POLR3D: variants seen among roughly 807,000 people sequenced by gnomAD.
The protein encoded by POLR3D is DNA-directed RNA polymerase III subunit RPC4.
A neutral mutation model predicts 44.5 loss-of-function variants in POLR3D; 42 were observed. The observed-to-expected ratio is 0.94, with a 90% CI of 0.74 to 1.22. POLR3D has a LOEUF of 1.22. Ranked by LOEUF, POLR3D falls within the 50% of genes most tolerant of loss-of-function variation. POLR3D has a pLI of 0.00. For synonymous variants in POLR3D, 217 were observed against 198.1 expected (o/e 1.10, Z -0.80); for missense variants, 507 against 505.2 (o/e 1.00, Z -0.03).
rs1830030373 is a variant in POLR3D at position 22,245,520 on chromosome 8, G to C, written c.71G>C (p.Arg24Pro). 1.6e-6 allele frequency: 2 copies of C among 1,279,004 alleles called. No individual in the cohort carries two copies. The highest frequency in any genetic ancestry group is 3.5e-5 in the Admixed American group (1 of 28,454). 79.2% of individuals were successfully genotyped at this position (1,279,004 alleles called of 1,614,324 possible). A position where few individuals can be genotyped will look rare whatever the true frequency, so the allele number is the denominator to read the frequency against. ...GGPRPLLTGA[R>P]GLIGRRPAPP... ...CCCCGACCTCTCCTGACTGGGGCCCGGGGGCTCATCGGGCGGCGGCCGGCG... is the reference window on the plus strand; with the variant it reads ...CCCCGACCTCTCCTGACTGGGGCCCCGGGGCTCATCGGGCGGCGGCCGGCG... The change falls in exon 2 of 9, where the codon CGG (arginine) becomes CCG (proline). Residue 24 changes from arginine to proline, a missense_variant. Coordinates refer to ENST00000306433, the MANE Select transcript of POLR3D (RefSeq NM_001722.3).
rs752305397 is a variant in POLR3D, at chr8:22,245,443, A to G, written c.-5-2A>G. ...GTGATCTCGTCGCCCCTTCTCTCCC[A>G]GGCAACATGTCGGAAGGAAACGCCG... On this transcript the variant is annotated splice_acceptor_variant, in intron 1 of 8. Transcript: ENST00000306433. LOFTEE classifies it low-confidence loss of function (5UTR_SPLICE). The G allele has an allele frequency of 7.6e-7, 1 of 1,309,626 alleles. No homozygotes were observed. The highest frequency in any genetic ancestry group is 9.8e-7 in the Non-Finnish European group (1 of 1,021,572). 81.1% of individuals were successfully genotyped at this position (1,309,626 alleles called of 1,614,324 possible).
rs375893399 is a variant in POLR3D, at chr8:22,248,433, C to T, written c.487-48C>T. The T allele has an allele frequency of 2.8e-5, 45 of 1,598,856 alleles. 1 individual carries two copies. Among genetic ancestry groups the T allele is most frequent in the Non-Finnish European group, 3.8e-5 (44 of 1,171,344 alleles). The stretch of plus-strand genomic sequence containing the variant: ...GAAAGGGACTAAAGCAGACTTTGAT[C>T]CAGGTGCATGTGCTAGCAGGCTGGA... On this transcript the variant is annotated intron_variant, in intron 5 of 8. Coordinates refer to ENST00000306433, the MANE Select transcript of POLR3D (RefSeq NM_001722.3).
Position 22,250,498 on chromosome 8 carries a change from T to C in POLR3D, c.1177T>C (p.Leu393=). Residue 393 remains leucine, a synonymous_variant, in exon 9 of 9, where the codon TTG becomes CTG. Transcript: ENST00000306433. ...LVCSPDFESL[L]DHKHR is the part of the protein sequence containing the mutation. ...ATGTTCCCCTGATTTTGAATCCCTC[T>C]TGGATCACAAACACCGGTAAAATGA... 6.2e-7 allele frequency: 1 copy of C among 1,614,188 alleles called. No homozygotes were observed.
rs1830110934 is a variant in POLR3D, at chr8:22,252,179, C to G, written c.*1661C>G. 1 of 153,760 alleles carries G rather than the reference C, an allele frequency of 6.5e-6. No homozygotes were observed. The highest frequency in any genetic ancestry group is 1.5e-5 in the Non-Finnish European group (1 of 68,060). The allele number at this position is 153,760 out of a possible 1,614,324, so 9.5% of individuals were successfully genotyped here. A position where few individuals can be genotyped will look rare whatever the true frequency, so the allele number is the denominator to read the frequency against. ...GTCAGCTCCATTGGACAGTGTTATTCTGGGCTCTTCTCACTGTAGAGGACT... is the reference window on the plus strand; with the variant it reads ...GTCAGCTCCATTGGACAGTGTTATTGTGGGCTCTTCTCACTGTAGAGGACT... On this transcript the variant is annotated 3_prime_UTR_variant, in exon 9 of 9. Coordinates refer to ENST00000306433, the MANE Select transcript of POLR3D (RefSeq NM_001722.3).
rs961165583 is a variant in POLR3D at position 22,248,020 on chromosome 8, G to C, written c.361+12G>C. The stretch of plus-strand genomic sequence containing the variant: ...GATGAAGAAAAAAGGTATAAGGAAG[G>C]AATCAGTGAATTTCAGTTCAGACTG... On this transcript the variant is annotated intron_variant, in intron 4 of 8. Transcript: ENST00000306433. 2 of 1,611,790 alleles carry C rather than the reference G, an allele frequency of 1.2e-6. No individual in the cohort carries two copies. The highest frequency in any genetic ancestry group is 2.7e-5 in the African/African-American group (2 of 74,846).
intron 7 of POLR3D, among the ~76,000 whole-genome samples, 164 bp from the exon 8 acceptor site, chr8:22,249,911 G>A (rs1306655620): frequency 1.3e-5 from 2 of 152,166 alleles, no homozygotes; most frequent in Non-Finnish European, 2.9e-5. Context: ...TGTTTGCTGT[G>A]GGTTTTGTAT....
In POLR3D at chr8:22,252,059, C is replaced by T. The variant is rs537185468; in HGVS notation, c.*1541C>T. On this transcript the variant is annotated 3_prime_UTR_variant, in exon 9 of 9. Transcript: ENST00000306433. ...CTGTTACTCATTTGTCAAGGCTGGG[C>T]TTCTCCTACAAAGCCCTCAACCTGC... is the stretch of plus-strand genomic sequence containing the variant. The T allele has an allele frequency of 3.2e-5, 5 of 153,884 alleles. No individual in the cohort carries two copies. Among genetic ancestry groups the T allele is most frequent in the African/African-American group, 1.2e-4 (5 of 41,574 alleles). 9.5% of individuals were successfully genotyped at this position (153,884 alleles called of 1,614,324 possible).
In POLR3D at chr8:22,249,313, C is replaced by T. The variant is rs114967105; in HGVS notation, c.921+4C>T. 624 of 1,612,388 alleles carry T rather than the reference C, an allele frequency of 3.9e-4. 2 individuals carry two copies. The African/African-American group carries it at 7.4e-3, about 19-fold the overall frequency. ...CATCAAGCAGGAGAAAGACCGAGTA[C>T]GCTCAGACAGAGGCCTGCGGGAATC... On this transcript the variant is annotated splice_donor_region_variant and intron_variant, in intron 7 of 8. Transcript: ENST00000306433.
chr8:22,248,438 T>C, intron 5 of POLR3D, 43 bp from the exon 6 acceptor site: 1 of 1,602,936 alleles, frequency 6.2e-7, no homozygotes, highest in Non-Finnish European at 8.5e-7. Flanking sequence ...TTGATCCAGG[T>C]GCATGTGCTA....
Position 22,250,144 on chromosome 8 carries a change from A to T in POLR3D, c.991A>T (p.Ile331Phe), listed in dbSNP as rs558159624. 36 of 1,614,174 alleles carry T rather than the reference A, an allele frequency of 2.2e-5. No homozygotes were observed. In the South Asian group the frequency reaches 4.0e-4, roughly 18 times the overall value. ...AGAGGGTCAGGTTGGCAAGCTACTC[A>T]TCCGCAAGTCTGGAAGGGTGCAACT... Reference protein sequence around the residue: ...LTEGQVGKLLIRKSGRVQLLL... With the variant: ...LTEGQVGKLLFRKSGRVQLLL... Residue 331 changes from isoleucine to phenylalanine, a missense_variant, in exon 8 of 9, where the codon ATC becomes TTC. Transcript: ENST00000306433.
rs1289868507 is a variant in POLR3D, at chr8:22,245,596, C to T, written c.147C>T (p.Thr49=). 3.2e-6 allele frequency: 4 copies of T among 1,258,214 alleles called. No individual in the cohort carries two copies. Among genetic ancestry groups the T allele is most frequent in the African/African-American group, 1.5e-5 (1 of 64,946 alleles). The allele number at this position is 1,258,214 out of a possible 1,614,324, so 77.9% of individuals were successfully genotyped here. The change falls in exon 2 of 9, where the codon ACC becomes ACT. Residue 49 remains threonine (T), a synonymous_variant. Coordinates refer to ENST00000306433, the MANE Select transcript of POLR3D (RefSeq NM_001722.3). Reference sequence around the variant, plus strand: ...CCTCCATCCGTTCCAGGGACCTCACCCTCGGGGGAGTCAAGAAGGTACCCA... The same window carrying T: ...CCTCCATCCGTTCCAGGGACCTCACTCTCGGGGGAGTCAAGAAGGTACCCA... ...RLPSIRSRDL[T]LGGVKKKTFT... is the part of the protein sequence containing the mutation.
chr8:22,246,382 G>A (rs1369554463), intron 2 of POLR3D, among the ~76,000 whole-genome samples: 2 of 149,562 alleles, frequency 1.3e-5, no homozygotes, highest in East Asian at 2.0e-4. Flanking sequence ...CGCCTGCCTC[G>A]ACCTCCCAAG....
rs370584871 is a variant in POLR3D, at chr8:22,250,432, G to A, written c.1111G>A (p.Gly371Arg). Residue 371 changes from glycine to arginine, a missense_variant, in exon 9 of 9, where the codon GGG becomes AGG. Gly to Arg is a moderately radical substitution (Grantham distance 125). Transcript: ENST00000306433. ...VSVGLGDSRT[G>R]EMTVLGHVKH... is the part of the protein sequence containing the mutation. ...CGTGGGCCTTGGAGACAGTAGGACA[G>A]GGGAGATGACAGTCCTGGGACACGT... is the stretch of plus-strand genomic sequence containing the variant. The A allele has an allele frequency of 1.6e-5, 26 of 1,614,080 alleles. No homozygotes were observed. Among genetic ancestry groups the A allele is most frequent in the Non-Finnish European group, 2.1e-5 (25 of 1,180,024 alleles).
chr8:22,247,875 T>C lies in POLR3D; in HGVS notation c.228T>C (p.Thr76=). The change falls in exon 4 of 9, where the codon ACT becomes ACC. Residue 76 remains threonine, a synonymous_variant. Coordinates refer to ENST00000306433, the MANE Select transcript of POLR3D (RefSeq NM_001722.3). The part of the protein sequence containing the change: ...KIKEEPKEEV[T]VKKEKRERDR... ...TTTCCAGGCCCAAGGAAGAAGTAAC[T>C]GTCAAGAAGGAGAAGCGTGAAAGGG... The C allele has an allele frequency of 6.2e-7, 1 of 1,613,436 alleles. No individual in the cohort carries two copies.
At chr8:22,245,219 G>C (rs1234745173) in intron 1 of POLR3D, 36 bp downstream of exon 1, 2 of 561,460 alleles carry the variant, frequency 3.6e-6, no homozygotes, top group Non-Finnish European at 6.5e-6. Flanking sequence ...GCCGCGGCCC[G>C]GGTGCGTCCC....
chr8:22,248,441 A>T, intron 5 of POLR3D, 40 bp from the exon 6 acceptor site: 2 of 1,604,440 alleles, frequency 1.2e-6, no homozygotes, highest in Non-Finnish European at 1.7e-6. Context: ...ATCCAGGTGC[A>T]TGTGCTAGCA....
In POLR3D at chr8:22,250,624, C is replaced by T; in HGVS notation, c.*106C>T. 2.1e-6 allele frequency: 3 copies of T among 1,403,460 alleles called. No homozygotes were observed. The highest frequency in any genetic ancestry group is 3.0e-6 in the Non-Finnish European group (3 of 1,010,496). The allele number at this position is 1,403,460 out of a possible 1,614,324, so 86.9% of individuals were successfully genotyped here. On this transcript the variant is annotated 3_prime_UTR_variant, in exon 9 of 9. Transcript: ENST00000306433. ...CCAGAAGGGGCCCACTGAGCCCACT[C>T]ACTCCAGCCTTTGGCAACCATTGTT... is the stretch of plus-strand genomic sequence containing the variant.
intron 6 of POLR3D, 117 bp downstream of exon 6, chr8:22,248,766 C>A: frequency 9.7e-7 from 1 of 1,032,798 alleles, no homozygotes; most frequent in Non-Finnish European, 1.4e-6. Context: ...TCCTCCCATT[C>A]CGGCTGTAAG....
At position 22,248,290 on chromosome 8, in the gene POLR3D, G is replaced by C; in HGVS notation, c.486+12G>C. The C allele has an allele frequency of 6.2e-7, 1 of 1,612,846 alleles. No individual in the cohort carries two copies. On this transcript the variant is annotated intron_variant, in intron 5 of 8. Coordinates refer to ENST00000306433, the MANE Select transcript of POLR3D (RefSeq NM_001722.3). ...TGGAGAAGGACGATGTGGGTACCAG[G>C]AGGCTGGGGGAAGGGGTTTCCTTGT...
Sources: gnomAD v4.1 joint callset for allele counts (sites outside exome capture counted in the v4.1 genomes callset) on GRCh38, gnomAD v4.1.1 for gene constraint, MANE v1.5 for transcripts, NCBI Gene and HGNC (gene_info 2026-07-23, HGNC 2026-07-21) for gene names.